MAP3K1: variants seen among roughly 807,000 people sequenced by gnomAD.
MAP3K1 encodes the protein MAP/ERK kinase kinase 1.
Under a neutral mutation model 144.2 loss-of-function variants are expected in MAP3K1, and 36 were observed. The observed-to-expected ratio is 0.25, with a 90% confidence interval of 0.19 to 0.33. The LOEUF (loss-of-function observed/expected upper bound fraction) is 0.33, where lower values mean the gene tolerates loss of function less well. MAP3K1 is among the 10% of genes least tolerant of loss of function. MAP3K1 has a pLI of 1.00. For synonymous variants in MAP3K1, 718 were observed against 688.7 expected (o/e 1.04, Z -0.67); for missense variants, 1,650 against 1,881.9 (o/e 0.88, Z 2.28).
chr5:56,870,939 C>G (rs1343001355), intron 6 of MAP3K1, among the ~76,000 whole-genome samples: 1 of 152,080 alleles, frequency 6.6e-6, no homozygotes, highest in Non-Finnish European at 1.5e-5. Flanking sequence ...AGTTTTTACT[C>G]CTACCAGCAG....
chr5:56,846,194 A>G (rs1250114974), intron 1 of MAP3K1, among the ~76,000 whole-genome samples: 1 of 152,174 alleles, frequency 6.6e-6, no homozygotes, highest in Non-Finnish European at 1.5e-5. Context: ...CCAAACTCAT[A>G]TTTCTGTTCA....
intron 1 of MAP3K1, among the ~76,000 whole-genome samples, chr5:56,818,213 G>T (rs1056440710): frequency 2.0e-5 from 3 of 151,914 alleles, no homozygotes; most frequent in African/African-American, 7.3e-5. Context: ...ATAAAACTTT[G>T]TGGGGAAAGG....
At chr5:56,856,885 C>A in intron 2 of MAP3K1, 135 bp downstream of exon 2, 2 of 929,894 alleles carry the variant, frequency 2.2e-6, no homozygotes, top group Non-Finnish European at 3.3e-6. Flanking sequence ...ATATTGTGGT[C>A]ATTTGGAAGA....
intron 9 of MAP3K1, among the ~76,000 whole-genome samples, chr5:56,873,964 C>A (rs1194547026): frequency 1.3e-5 from 2 of 152,150 alleles, no homozygotes; most frequent in African/African-American, 4.8e-5. Flanking sequence ...AAAGAACTCT[C>A]AAGTTGATTC....
rs1230624802 is a variant in MAP3K1, at chr5:56,872,014, A to T, written c.1406A>T (p.His469Leu). 1 of 1,614,058 alleles carries T rather than the reference A, an allele frequency of 6.2e-7. No individual in the cohort carries two copies. The highest frequency in any genetic ancestry group is 8.5e-7 in the Non-Finnish European group (1 of 1,179,934). Residue 469 changes from histidine to leucine, a missense_variant, in exon 7 of 20, where the codon CAC becomes CTC. Coordinates refer to ENST00000399503, the MANE Select transcript of MAP3K1 (RefSeq NM_005921.2). ...GACGGCTGCAGGAACAAGCTGCACC[A>T]CCACTGCATGTCAATTTGTATGTGG... is the stretch of plus-strand genomic sequence containing the variant. ...CEDGCRNKLH[H>L]HCMSIWAEEC... is the part of the protein sequence containing the mutation.
At position 56,887,933 on chromosome 5, in the gene MAP3K1, A is replaced by C. The variant is rs1748435011; in HGVS notation, c.4258-293A>C. 6.3e-6 allele frequency: 3 copies of C among 474,698 alleles called. No individual in the cohort carries two copies. In the East Asian group the frequency reaches 1.2e-4, roughly 19 times the overall value. 29.4% of individuals were successfully genotyped at this position (474,698 alleles called of 1,614,324 possible). A position where few individuals can be genotyped will look rare whatever the true frequency, so the allele number is the denominator to read the frequency against. On this transcript the variant is annotated intron_variant, in intron 18 of 19. Transcript: ENST00000399503. ...ACTCAGCTTCTTCTGTCGTGTTCAT[A>C]ATTCTTCATGTTCATATGTAGTAAT...
At position 56,882,525 on chromosome 5, in the gene MAP3K1, G is replaced by A. The variant is rs201472912; in HGVS notation, c.3325G>A (p.Asp1109Asn). Residue 1109 changes from aspartate (D) to asparagine (N), a missense_variant, in exon 14 of 20, where the codon GAC (aspartate) becomes AAC (asparagine). By Grantham distance (23) the Asp-to-Asn change is conservative (BLOSUM62 1). Transcript: ENST00000399503. ...TAGTAGTAATGCTGTTATACCCAGT[G>A]ACGAGACAGTGTTCACCCCAGTAGA... is the stretch of plus-strand genomic sequence containing the variant. ...SNSSNAVIPS[D>N]ETVFTPVEEK... The A allele has an allele frequency of 2.5e-5, 40 of 1,614,112 alleles. No individual in the cohort carries two copies. In the African/African-American group the frequency reaches 4.4e-4, roughly 18 times the overall value.
rs553123239 is a variant in MAP3K1 at position 56,826,040 on chromosome 5, A to T, written c.482+9985A>T. ...AAGAAGTATTGGCATGAATACATAG[A>T]TAAGGCATTTGAAATGGCTTCTCTG... On this transcript the variant is annotated intron_variant, in intron 1 of 19. Coordinates refer to ENST00000399503, the MANE Select transcript of MAP3K1 (RefSeq NM_005921.2). 2.0e-5 allele frequency among the ~76,000 whole-genome samples: 3 copies of T among 151,982 alleles called. No homozygotes were observed. In the East Asian group the frequency reaches 5.8e-4, roughly 29 times the overall value.
At chr5:56,847,933 C>T (rs191218663) in intron 1 of MAP3K1, among the ~76,000 whole-genome samples, 1 of 152,208 alleles carries the variant, frequency 6.6e-6, no homozygotes, top group Non-Finnish European at 1.5e-5. Context: ...ATTCAGTATT[C>T]AATAGAGGAT....
intron 1 of MAP3K1, among the ~76,000 whole-genome samples, chr5:56,828,565 G>A (rs1043097797): frequency 5.9e-5 from 9 of 152,284 alleles, no homozygotes; most frequent in African/African-American, 2.2e-4. Context: ...TGTTTGTCAA[G>A]CAACATTAAG....
chr5:56,848,024 T>C (rs1248604312), intron 1 of MAP3K1, among the ~76,000 whole-genome samples: 1 of 152,238 alleles, frequency 6.6e-6, no homozygotes, highest in Non-Finnish European at 1.5e-5. Flanking sequence ...ATATACATTT[T>C]TCTTTTTGAT....
At chr5:56,863,637 C>T (rs1016476354) in intron 3 of MAP3K1, among the ~76,000 whole-genome samples, 2 of 152,162 alleles carry the variant, frequency 1.3e-5, no homozygotes, top group Non-Finnish European at 2.9e-5. Flanking sequence ...CATATATTCT[C>T]ATTTCTCTTG....
intron 16 of MAP3K1, among the ~76,000 whole-genome samples, chr5:56,885,710 A>G (rs996321791): frequency 2.0e-5 from 3 of 152,202 alleles, no homozygotes; most frequent in Non-Finnish European, 4.4e-5. Context: ...GCTTTCTGAA[A>G]TCTTGACTCT....
chr5:56,885,909 T>G, intron 16 of MAP3K1, 23 bp from the exon 17 acceptor site: 1 of 1,607,824 alleles, frequency 6.2e-7, no homozygotes, highest in Non-Finnish European at 8.5e-7. Flanking sequence ...AAGTTTATGA[T>G]AATTATTTCT....
In MAP3K1 at chr5:56,893,765, G is replaced by C; in HGVS notation, c.*85G>C. On this transcript the variant is annotated 3_prime_UTR_variant, in exon 20 of 20. Transcript: ENST00000399503. ...TGGGGAACCACATTGATATTCTACTGGCCATGATGCCACTGAACAGCTATG... is the reference window on the plus strand; with the variant it reads ...TGGGGAACCACATTGATATTCTACTCGCCATGATGCCACTGAACAGCTATG... 1 of 1,439,166 alleles carries C rather than the reference G, an allele frequency of 6.9e-7. No homozygotes were observed. Among genetic ancestry groups the C allele is most frequent in the Non-Finnish European group, 9.6e-7 (1 of 1,038,958 alleles). 89.1% of individuals were successfully genotyped at this position (1,439,166 alleles called of 1,614,324 possible).
chr5:56,845,530 GTC>G (rs901082432), intron 1 of MAP3K1, among the ~76,000 whole-genome samples: 6 of 149,968 alleles, frequency 4.0e-5, no homozygotes, highest in African/African-American at 1.5e-4. Context: ...CTAGTGTAAC[GTC>G]TCTCTAGGTT....
intron 1 of MAP3K1, among the ~76,000 whole-genome samples, chr5:56,831,183 GGTT>G (rs1428754018): frequency 3.0e-5 from 3 of 98,366 alleles, no homozygotes; most frequent in Non-Finnish European, 4.4e-5. Flanking sequence ...TAAAATGTTG[GGTT>G]TTTTTTTTTT....
At chr5:56,864,991 A>G (rs970573143) in intron 4 of MAP3K1, 57 bp downstream of exon 4, 2 of 1,419,782 alleles carry the variant, frequency 1.4e-6, no homozygotes, top group East Asian at 4.6e-5. Flanking sequence ...ACTACCTCAA[A>G]TTTATATACT....
chr5:56,834,232 A>G (rs1412760733), intron 1 of MAP3K1, among the ~76,000 whole-genome samples: 3 of 152,232 alleles, frequency 2.0e-5, no homozygotes. Context: ...GTTTATTGAC[A>G]TACTTTCCTA....
Sources: allele counts gnomAD v4.1 joint callset (sites outside exome capture counted in the v4.1 genomes callset), GRCh38; gene constraint gnomAD v4.1.1; transcripts MANE v1.5; gene names NCBI Gene and HGNC (gene_info 2026-07-23, HGNC 2026-07-21).